The following GRIK5 variants were observed in gnomAD, a reference collection of about 807,000 sequenced individuals.
GRIK5 encodes the protein glutamate receptor ionotropic, kainate 5.
A neutral mutation model predicts 97.4 loss-of-function variants in GRIK5; 43 were observed. The observed-to-expected ratio is 0.44, with a 90% CI of 0.35 to 0.57. The LOEUF (loss-of-function observed/expected upper bound fraction) is 0.57. Ranked by LOEUF, GRIK5 falls within the 20% of genes least tolerant of loss-of-function variation. The pLI, the probability that GRIK5 is intolerant of heterozygous loss-of-function variation, is 0.01. For missense variants in GRIK5, 1,015 were observed against 1,382.0 expected (o/e 0.73, Z 4.21); for synonymous variants, 580 against 583.5 (o/e 0.99, Z 0.09).
intron 12 of GRIK5, among the ~76,000 whole-genome samples, chr19:42,039,976 T>C (rs1414459800): frequency 1.3e-5 from 2 of 150,634 alleles, no homozygotes; most frequent in Non-Finnish European, 3.0e-5. Flanking sequence ...AGAGACCCAG[T>C]CTCAAAGGAA....
intron 6 of GRIK5, among the ~76,000 whole-genome samples, chr19:42,058,743 T>C (rs1475923097): frequency 2.0e-5 from 3 of 150,118 alleles, no homozygotes; most frequent in African/African-American, 7.3e-5. Flanking sequence ...GGAGAATCAC[T>C]TGAACCTAGG....
chr19:42,026,619 A>G (rs924561292), intron 12 of GRIK5, among the ~76,000 whole-genome samples: 5 of 147,768 alleles, frequency 3.4e-5, no homozygotes, highest in African/African-American at 1.3e-4. Context: ...CCCAGGCTGG[A>G]GTGCAGTGGT....
chr19:42,065,848 G>T lies in GRIK5; in HGVS notation c.-50-28C>A. 2.5e-6 allele frequency: 3 copies of T among 1,201,250 alleles called. No individual in the cohort carries two copies. The highest frequency in any genetic ancestry group is 3.6e-6 in the Non-Finnish European group (3 of 841,792). 74.4% of individuals were successfully genotyped at this position (1,201,250 alleles called of 1,614,324 possible). On this transcript the variant is annotated intron_variant, in intron 1 of 19. Coordinates refer to ENST00000593562, the MANE Select transcript of GRIK5 (RefSeq NM_002088.5). The surrounding 1 kb of genome is among the most constrained non-coding windows in gnomAD (Gnocchi z 5.8). ...GCAGGGAGACCCCCCAGACCAAGGGGAGATTACTATGTGGTGGGATGGAAC... is the reference window on the plus strand; with the variant it reads ...GCAGGGAGACCCCCCAGACCAAGGGTAGATTACTATGTGGTGGGATGGAAC...
intron 8 of GRIK5, among the ~76,000 whole-genome samples, chr19:42,055,352 A>G (rs1300525813): frequency 6.6e-6 from 1 of 152,178 alleles, no homozygotes; most frequent in East Asian, 1.9e-4. Flanking sequence ...CTTGGTGTCC[A>G]TGTGTGCTCT....
rs782290251 is a variant in GRIK5, at chr19:42,005,719, G to T, written c.2263+4C>A. 1.2e-6 allele frequency: 2 copies of T among 1,600,658 alleles called. No individual in the cohort carries two copies. The highest frequency in any genetic ancestry group is 1.7e-5 in the Admixed American group (1 of 59,856). On this transcript the variant is annotated splice_donor_region_variant and intron_variant, in intron 17 of 19. Transcript: ENST00000593562. Reference sequence around the variant, plus strand: ...GCTGTGTTCCACACCGTGCTGTGCCGTACCCAGCGGCATGCCAATGCCGTA... The same window carrying T: ...GCTGTGTTCCACACCGTGCTGTGCCTTACCCAGCGGCATGCCAATGCCGTA...
chr19:42,042,527 T>C lies in GRIK5; in HGVS notation c.1473+25A>G, dbSNP rs1285055056. The C allele has an allele frequency of 3.1e-6, 5 of 1,587,932 alleles. No homozygotes were observed. The highest frequency in any genetic ancestry group is 4.3e-6 in the Non-Finnish European group (5 of 1,165,916). ...CCCTCACTCGCCGGGTCCATGCATC[T>C]TTCCCGGCCCCAGTCCAGCCATACC... is the stretch of plus-strand genomic sequence containing the variant. On this transcript the variant is annotated intron_variant, in intron 12 of 19. Transcript: ENST00000593562. The surrounding 1 kb of genome is among the most constrained non-coding windows in gnomAD (Gnocchi z 6.9).
At chr19:42,053,567 G>A in intron 11 of GRIK5, 35 bp downstream of exon 11, 1 of 1,262,522 alleles carries the variant, frequency 7.9e-7, no homozygotes, top group Non-Finnish European at 1.2e-6. Flanking sequence ...GCTCAGGGCA[G>A]CGCCACTCCC....
At chr19:42,029,794 C>G (rs1302867751) in intron 12 of GRIK5, among the ~76,000 whole-genome samples, 1 of 152,192 alleles carries the variant, frequency 6.6e-6, no homozygotes, top group Non-Finnish European at 1.5e-5. Flanking sequence ...ATGAAAAAAG[C>G]CTTACGGGCT....
rs567165717 is a variant in GRIK5 at position 42,004,047 on chromosome 19, C to T, written c.2264-364G>A. Among the ~76,000 whole-genome samples the T allele has an allele frequency of 2.6e-3, 391 of 152,294 alleles. 3 individuals are homozygous for T. The highest frequency in any genetic ancestry group is 9.1e-3 in the African/African-American group (379 of 41,536). On this transcript the variant is annotated intron_variant, in intron 17 of 19. Coordinates refer to ENST00000593562, the MANE Select transcript of GRIK5 (RefSeq NM_002088.5). ...CACAGTCCTGTCTTAGGACCTTTGCCTCTGCCTGGAATGTCCCTCTCCGCA... is the reference window on the plus strand; with the variant it reads ...CACAGTCCTGTCTTAGGACCTTTGCTTCTGCCTGGAATGTCCCTCTCCGCA...
rs1599771600 is a variant in GRIK5 at position 42,022,471 on chromosome 19, A to C, written c.1474-117T>G. 7.1e-7 allele frequency: 1 copy of C among 1,407,152 alleles called. No individual in the cohort carries two copies. The highest frequency in any genetic ancestry group is 9.4e-7 in the Non-Finnish European group (1 of 1,061,262). 87.2% of individuals were successfully genotyped at this position (1,407,152 alleles called of 1,614,324 possible). Reference sequence around the variant, plus strand: ...TGAGGGAGGCGAGAGAGAGAGAGGTAGGGAGGGGGAGGGGCCAGGAGCATG... The same window carrying C: ...TGAGGGAGGCGAGAGAGAGAGAGGTCGGGAGGGGGAGGGGCCAGGAGCATG... On this transcript the variant is annotated intron_variant, in intron 12 of 19. Coordinates refer to ENST00000593562, the MANE Select transcript of GRIK5 (RefSeq NM_002088.5). This position sits in a 1 kb window ranked among gnomAD's most constrained non-coding sequence, Gnocchi z 4.2.
intron 1 of GRIK5, chr19:42,068,674 G>A (rs1177078512): frequency 2.3e-6 from 1 of 437,940 alleles, no homozygotes; most frequent in East Asian, 3.5e-5. Context: ...AAGCCAGGGT[G>A]GAGGAGTTCT....
rs1212959165 is a variant in GRIK5 at position 42,008,841 on chromosome 19, G to A, written c.1872-2031C>T. On this transcript the variant is annotated intron_variant, in intron 15 of 19. Transcript: ENST00000593562. Reference sequence around the variant, plus strand: ...AGGAACAGAAGATATAAAAAGAAGTGAACAGAACTTTTAGAGAATGATATA... The same window carrying A: ...AGGAACAGAAGATATAAAAAGAAGTAAACAGAACTTTTAGAGAATGATATA... Among the ~76,000 whole-genome samples, 24 of 152,102 alleles carry A rather than the reference G, an allele frequency of 1.6e-4. 1 individual carries two copies. Among genetic ancestry groups the A allele is most frequent in the Admixed American group, 1.6e-3 (24 of 15,260 alleles).
intron 12 of GRIK5, among the ~76,000 whole-genome samples, chr19:42,023,856 A>G (rs1397164133): frequency 6.6e-6 from 1 of 152,126 alleles, no homozygotes; most frequent in Non-Finnish European, 1.5e-5. Flanking sequence ...CTCCCAGTCC[A>G]TTCCTCACAT....
chr19:42,022,147 G>T lies in GRIK5; in HGVS notation c.1588-91C>A. ...TACCAGGGACCTGGGAGCCTGACCGGCCCATCTGAGGTCCTGGGGCTGTCT... is the reference window on the plus strand; with the variant it reads ...TACCAGGGACCTGGGAGCCTGACCGTCCCATCTGAGGTCCTGGGGCTGTCT... On this transcript the variant is annotated intron_variant, in intron 13 of 19. Coordinates refer to ENST00000593562, the MANE Select transcript of GRIK5 (RefSeq NM_002088.5). The surrounding 1 kb of genome is among the most constrained non-coding windows in gnomAD (Gnocchi z 4.2). 1.4e-6 allele frequency: 2 copies of T among 1,387,288 alleles called. No homozygotes were observed. Among genetic ancestry groups the T allele is most frequent in the Non-Finnish European group, 2.0e-6 (2 of 984,710 alleles). 85.9% of individuals were successfully genotyped at this position (1,387,288 alleles called of 1,614,324 possible). A position where few individuals can be genotyped will look rare whatever the true frequency, so the allele number is the denominator to read the frequency against.
chr19:42,056,524 A>G (rs2076187028), intron 8 of GRIK5, 138 bp downstream of exon 8: 2 of 679,408 alleles, frequency 2.9e-6, no homozygotes, highest in Middle Eastern at 4.1e-4. Context: ...CATGGGTCCA[A>G]TGCATCACAA....
At chr19:42,025,257 T>C (rs1224373410) in intron 12 of GRIK5, among the ~76,000 whole-genome samples, 1 of 152,136 alleles carries the variant, frequency 6.6e-6, no homozygotes, top group Non-Finnish European at 1.5e-5. Context: ...GGACCTCCAT[T>C]TCTACCATTC....
chr19:42,022,507 A>G lies in GRIK5; in HGVS notation c.1474-153T>C, dbSNP rs1177172721. The G allele has an allele frequency of 1.0e-6, 1 of 985,012 alleles. No homozygotes were observed. Among genetic ancestry groups the G allele is most frequent in the Non-Finnish European group, 1.2e-6 (1 of 829,790 alleles). 61.0% of individuals were successfully genotyped at this position (985,012 alleles called of 1,614,324 possible). A position where few individuals can be genotyped will look rare whatever the true frequency, so the allele number is the denominator to read the frequency against. ...GGGGCCAGGAGCATGGACTGACTCC[A>G]GGAGCCCACCTTGGGCCTGAAATCG... On this transcript the variant is annotated intron_variant, in intron 12 of 19. Transcript: ENST00000593562. The surrounding 1 kb of genome is among the most constrained non-coding windows in gnomAD (Gnocchi z 4.2).
chr19:42,001,843 T>A, intron 19 of GRIK5: 1 of 443,836 alleles, frequency 2.3e-6, no homozygotes, highest in South Asian at 4.5e-5. Context: ...AACACAAGAA[T>A]CACCAGCACA....
rs1361105708 is a variant in GRIK5 at position 42,022,800 on chromosome 19, G to A, written c.1474-446C>T. The A allele has an allele frequency of 6.5e-6, 2 of 306,192 alleles. No individual in the cohort carries two copies. The highest frequency in any genetic ancestry group is 9.6e-6 in the Non-Finnish European group (2 of 208,902). The allele number at this position is 306,192 out of a possible 1,614,324, so 19.0% of individuals were successfully genotyped here. On this transcript the variant is annotated intron_variant, in intron 12 of 19. Transcript: ENST00000593562. This position sits in a 1 kb window ranked among gnomAD's most constrained non-coding sequence, Gnocchi z 4.2. ...GCCCAGAAATGACCCCGGGTGGGGA[G>A]GAAGGGTGCAGGTCAGCATGTGCCC...
Sources: gnomAD v4.1 joint callset for allele counts (sites outside exome capture counted in the v4.1 genomes callset) on GRCh38, gnomAD v4.1.1 for gene constraint, Gnocchi (gnomAD v3.1) non-coding constraint, MANE v1.5 for transcripts, NCBI Gene and HGNC (gene_info 2026-07-23, HGNC 2026-07-21) for gene names.